The following DACH2 variants were observed in gnomAD, a reference collection of about 807,000 sequenced individuals.
The protein encoded by DACH2 is dachshund family transcription factor 2.
Under a neutral mutation model 35.8 loss-of-function variants are expected in DACH2, and 17 were observed. The observed-to-expected ratio is 0.48, with a 90% CI of 0.33 to 0.71. The LOEUF (loss-of-function observed/expected upper bound fraction) is 0.71. Ranked by LOEUF, DACH2 falls within the 30% of genes least tolerant of loss-of-function variation. DACH2 has a pLI of 0.02. For missense variants in DACH2, 469 were observed against 472.7 expected (o/e 0.99, Z 0.07); for synonymous variants, 195 against 177.3 (o/e 1.10, Z -0.79).
At position 86,152,544 on chromosome X, in the gene DACH2, T is replaced by C. The variant is rs189513846; in HGVS notation, c.488+3436T>C. Among the ~76,000 whole-genome samples the C allele has an allele frequency of 4.9e-3, 550 of 111,483 alleles. 3 individuals are homozygous for C. Among genetic ancestry groups the C allele is most frequent in the African/African-American group, 0.017 (515 of 30,725 alleles). ...CAATTATAAAAATATTCAGTTGTCTTCCTGGAAAATAAGTTAAGAAATAAT... is the reference window on the plus strand; with the variant it reads ...CAATTATAAAAATATTCAGTTGTCTCCCTGGAAAATAAGTTAAGAAATAAT... On this transcript the variant is annotated intron_variant, in intron 1 of 11. Transcript: ENST00000373125.
At chrX:86,814,927 A>T (rs1294402433) in intron 10 of DACH2, 93 bp downstream of exon 10, 1 of 964,724 alleles carries the variant, frequency 1.0e-6, no homozygotes, top group Non-Finnish European at 1.4e-6. Flanking sequence ...AGGAAGGCAG[A>T]AAGAAAGGAA....
intron 1 of DACH2, among the ~76,000 whole-genome samples, chrX:86,329,604 T>A (rs1447664589): frequency 1.8e-5 from 2 of 111,100 alleles, no homozygotes; most frequent in Non-Finnish European, 3.8e-5. Context: ...TTGCTGTATA[T>A]GAGTACCAGT....
intron 7 of DACH2, among the ~76,000 whole-genome samples, chrX:86,811,174 T>G (rs1158898592): frequency 3.6e-5 from 4 of 111,986 alleles, no homozygotes; most frequent in Non-Finnish European, 7.5e-5. Flanking sequence ...AGCATTTTTT[T>G]AAATTGCTAT....
intron 3 of DACH2, among the ~76,000 whole-genome samples, chrX:86,608,770 C>T: frequency 9.0e-6 from 1 of 111,550 alleles, no homozygotes; most frequent in Middle Eastern, 4.7e-3. Context: ...TTTTATCCTT[C>T]AGCACTTTAA....
chrX:86,808,758 A>G (rs190703064), intron 7 of DACH2, among the ~76,000 whole-genome samples: 13 of 111,027 alleles, frequency 1.2e-4, no homozygotes, highest in African/African-American at 4.2e-4. Context: ...CCTGGTAGGT[A>G]GCTACAATTT....
chrX:86,271,764 T>C (rs1477364547), intron 1 of DACH2, among the ~76,000 whole-genome samples: 1 of 112,133 alleles, frequency 8.9e-6, no homozygotes, highest in African/African-American at 3.2e-5. Context: ...CTTGTTAAAA[T>C]AGTTTTATAA....
chrX:86,184,714 G>A (rs2031629987), intron 1 of DACH2, among the ~76,000 whole-genome samples: 1 of 110,671 alleles, frequency 9.0e-6, no homozygotes, highest in Non-Finnish European at 1.9e-5. Flanking sequence ...GTGTTAATTG[G>A]TTGAGATAGT....
At chrX:86,422,208 A>T (rs1448443331) in intron 2 of DACH2, among the ~76,000 whole-genome samples, 5 of 111,274 alleles carry the variant, frequency 4.5e-5, no homozygotes, top group African/African-American at 1.6e-4. Flanking sequence ...TGATGAAATG[A>T]GTTGAATAAA....
chrX:86,166,335 TA>T (rs1007600509), intron 1 of DACH2, among the ~76,000 whole-genome samples: 4 of 111,434 alleles, frequency 3.6e-5, no homozygotes, highest in African/African-American at 1.3e-4. Flanking sequence ...TGGTTCCATA[TA>T]AGTTTTAGAA....
chrX:86,548,610 A>G (rs1335720684), intron 3 of DACH2, among the ~76,000 whole-genome samples: 1 of 111,802 alleles, frequency 8.9e-6, no homozygotes, highest in Non-Finnish European at 1.9e-5. Flanking sequence ...GCTGGGGAGT[A>G]TTTATTCATG....
intron 1 of DACH2, among the ~76,000 whole-genome samples, chrX:86,276,383 A>C (rs1387438339): frequency 9.0e-6 from 1 of 111,719 alleles, no homozygotes. Flanking sequence ...CAGATTATTA[A>C]AATTTTTCTA....
intron 1 of DACH2, among the ~76,000 whole-genome samples, chrX:86,219,975 G>A (rs242837): frequency 0.35 from 32,086 of 92,886 alleles, 5,941 homozygotes; most frequent in South Asian, 0.7. Flanking sequence ...TGACCAACAT[G>A]GAGAAACCCC....
At chrX:86,782,336 A>C (rs907740599) in intron 7 of DACH2, among the ~76,000 whole-genome samples, 1 of 111,815 alleles carries the variant, frequency 8.9e-6, no homozygotes, top group Non-Finnish European at 1.9e-5. Context: ...AGAAAACACA[A>C]TCCTCAAATT....
At chrX:86,736,269 A>G (rs2041595614) in intron 6 of DACH2, among the ~76,000 whole-genome samples, 1 of 111,344 alleles carries the variant, frequency 9.0e-6, no homozygotes, top group South Asian at 3.7e-4. Context: ...AAAAATAACA[A>G]TGGACTGAAA....
chrX:86,361,581 G>T (rs1357043501), intron 1 of DACH2, among the ~76,000 whole-genome samples: 1 of 111,207 alleles, frequency 9.0e-6, no homozygotes, highest in African/African-American at 3.3e-5. Context: ...GGCTTTATTT[G>T]CAAGTTGACA....
chrX:86,467,783 G>A (rs2037697128), intron 2 of DACH2, among the ~76,000 whole-genome samples: 1 of 112,007 alleles, frequency 8.9e-6, no homozygotes, highest in South Asian at 3.7e-4. Flanking sequence ...AATCATGGTG[G>A]AAGGGAAAGG....
At position 86,541,176 on chromosome X, in the gene DACH2, A is replaced by G. The variant is rs375312024; in HGVS notation, c.640+26785A>G. Among the ~76,000 whole-genome samples the G allele has an allele frequency of 1.8e-4, 20 of 112,251 alleles. No homozygotes were observed. The East Asian group carries it at 4.5e-3, about 25-fold the overall frequency. Reference sequence around the variant, plus strand: ...GAAGACATATCAGGTTCTCATTTCTATTCTATTGAATTTGTAAGATACAGG... The same window carrying G: ...GAAGACATATCAGGTTCTCATTTCTGTTCTATTGAATTTGTAAGATACAGG... On this transcript the variant is annotated intron_variant, in intron 3 of 11. Transcript: ENST00000373125.
At chrX:86,492,584 T>C (rs1435322373) in intron 2 of DACH2, among the ~76,000 whole-genome samples, 3 of 111,593 alleles carry the variant, frequency 2.7e-5, no homozygotes, top group Non-Finnish European at 5.7e-5. Context: ...CAAGTTAGTT[T>C]TCCAAACCTT....
At chrX:86,427,743 C>T (rs966404208) in intron 2 of DACH2, among the ~76,000 whole-genome samples, 6 of 111,272 alleles carry the variant, frequency 5.4e-5, no homozygotes, top group African/African-American at 2.0e-4. Flanking sequence ...AAGCAGCTAC[C>T]ATTATTTGTC....
Sources: allele counts gnomAD v4.1 joint callset (sites outside exome capture counted in the v4.1 genomes callset), GRCh38; gene constraint gnomAD v4.1.1; transcripts MANE v1.5; gene names NCBI Gene and HGNC (gene_info 2026-07-23, HGNC 2026-07-21).